PCDH11X: variants seen among roughly 807,000 people sequenced by gnomAD.
PCDH11X encodes the protein protocadherin-11 X-linked.
PCDH11X carries 18 observed loss-of-function variants against 53.3 expected under a neutral mutation model. The observed-to-expected ratio is 0.34, with a 90% CI of 0.23 to 0.50. PCDH11X has a LOEUF of 0.50. Ranked by LOEUF, PCDH11X falls within the 20% of genes least tolerant of loss-of-function variation. PCDH11X has a pLI of 0.98. For synonymous variants in PCDH11X, 279 were observed against 393.3 expected (o/e 0.71, Z 3.44); for missense variants, 570 against 1,032.4 (o/e 0.55, Z 6.14).
At chrX:92,056,296 A>AT (rs1287438519) in intron 6 of PCDH11X, among the ~76,000 whole-genome samples, 7 of 111,455 alleles carry the variant, frequency 6.3e-5, no homozygotes, top group Non-Finnish European at 1.1e-4. Context: ...GATTTTGATC[A>AT]TTTTTTTCAT....
intron 6 of PCDH11X, among the ~76,000 whole-genome samples, chrX:92,178,709 A>G (rs775520980): frequency 3.6e-5 from 4 of 111,966 alleles, no homozygotes; most frequent in African/African-American, 9.7e-5. Context: ...GAAGGAGAAT[A>G]TTCTTTTGTA....
At chrX:92,100,980 G>A (rs1280324476) in intron 6 of PCDH11X, among the ~76,000 whole-genome samples, 1 of 111,417 alleles carries the variant, frequency 9.0e-6, no homozygotes, top group Non-Finnish European at 1.9e-5. Context: ...GGAATAAGAA[G>A]GAGAAAAACA....
At chrX:92,510,670 A>G (rs908698294) in intron 10 of PCDH11X, among the ~76,000 whole-genome samples, 8 of 110,005 alleles carry the variant, frequency 7.3e-5, no homozygotes, top group Non-Finnish European at 1.5e-4. Flanking sequence ...ATTCCTAACA[A>G]TGCCTCCTTG....
At chrX:92,266,728 A>G (rs2067839466) in intron 8 of PCDH11X, among the ~76,000 whole-genome samples, 1 of 107,636 alleles carries the variant, frequency 9.3e-6, no homozygotes, top group Non-Finnish European at 1.9e-5. Flanking sequence ...GAATAGTGTA[A>G]GCAGTACTTA....
chrX:92,201,167 T>G (rs1442328642), intron 6 of PCDH11X: 1 of 145,773 alleles, frequency 6.9e-6, no homozygotes, highest in African/African-American at 3.2e-5. Context: ...TTTTTTTCTC[T>G]TTTTTAATTC....
intron 6 of PCDH11X, among the ~76,000 whole-genome samples, chrX:92,144,960 C>G (rs1373812870): frequency 1.8e-5 from 2 of 111,094 alleles, no homozygotes; most frequent in East Asian, 5.7e-4. Flanking sequence ...GGGGGAGCTG[C>G]CAGTGTGACC....
intron 6 of PCDH11X, among the ~76,000 whole-genome samples, chrX:92,039,570 T>C (rs2148028072): frequency 9.0e-6 from 1 of 111,048 alleles, no homozygotes; most frequent in Admixed American, 9.6e-5. Context: ...TCAGTCAGCT[T>C]GTGGTAAATG....
chrX:92,004,510 G>A (rs772781100), intron 6 of PCDH11X, among the ~76,000 whole-genome samples: 1 of 110,431 alleles, frequency 9.1e-6, no homozygotes, highest in African/African-American at 3.3e-5. Flanking sequence ...TATTGTATTG[G>A]GAACTATCCC....
chrX:92,013,803 A>T lies in PCDH11X; in HGVS notation c.3033+134530A>T, dbSNP rs753541203. Among the ~76,000 whole-genome samples, 197 of 111,916 alleles carry T rather than the reference A, an allele frequency of 1.8e-3. 1 individual carries two copies. The highest frequency in any genetic ancestry group is 6.1e-3 in the African/African-American group (189 of 30,777). ...GGGGAAAGGATTCCCTATTTAATAA[A>T]TGGTGCTGGGAAAACTGGCTAGCCA... is the stretch of plus-strand genomic sequence containing the variant. On this transcript the variant is annotated intron_variant, in intron 6 of 10. Coordinates refer to ENST00000682573, the MANE Select transcript of PCDH11X (RefSeq NM_032968.5).
intron 1 of PCDH11X, among the ~76,000 whole-genome samples, chrX:91,800,018 G>C (rs1223500195): frequency 8.9e-6 from 1 of 112,604 alleles, no homozygotes; most frequent in African/African-American, 3.2e-5. Flanking sequence ...GAACCCGGGA[G>C]GCGGAGGTTG....
chrX:92,603,141 T>G (rs1457406612), intron 10 of PCDH11X, among the ~76,000 whole-genome samples: 1 of 105,305 alleles, frequency 9.5e-6, no homozygotes, highest in African/African-American at 3.5e-5. Flanking sequence ...TAAAATTGAC[T>G]AGAGTGATTC....
At chrX:91,959,546 G>A (rs2147885579) in intron 6 of PCDH11X, among the ~76,000 whole-genome samples, 2 of 106,579 alleles carry the variant, frequency 1.9e-5, no homozygotes, top group South Asian at 8.8e-4. Flanking sequence ...GAATCATGCA[G>A]TATTTTTCTT....
chrX:92,588,943 G>A (rs1924714865), intron 10 of PCDH11X, among the ~76,000 whole-genome samples: 2 of 110,715 alleles, frequency 1.8e-5, no homozygotes, highest in South Asian at 7.6e-4. Flanking sequence ...AAAATACAAC[G>A]GAGCTCAAAT....
chrX:92,397,214 CCTA>C (rs1341718588), intron 9 of PCDH11X, among the ~76,000 whole-genome samples: 1 of 75,170 alleles, frequency 1.3e-5, no homozygotes, highest in Non-Finnish European at 2.5e-5. Context: ...AGATTCTACT[CCTA>C]CTCCTTGGCT....
chrX:92,239,256 T>G (rs1487412644), intron 7 of PCDH11X, among the ~76,000 whole-genome samples: 2 of 111,713 alleles, frequency 1.8e-5, no homozygotes, highest in African/African-American at 3.2e-5. Flanking sequence ...CATTTATCAC[T>G]GATATTTGGC....
At chrX:92,524,351 G>T (rs1381712040) in intron 10 of PCDH11X, among the ~76,000 whole-genome samples, 9 of 108,454 alleles carry the variant, frequency 8.3e-5, no homozygotes, top group East Asian at 2.9e-4. Flanking sequence ...TCTACTCTAC[G>T]TCTTTTATCC....
intron 10 of PCDH11X, among the ~76,000 whole-genome samples, chrX:92,486,220 A>G (rs145892094): frequency 0.027 from 3,048 of 111,464 alleles, 103 homozygotes; most frequent in African/African-American, 0.095. Context: ...ATTTTTTACA[A>G]TCTTATTTAT....
intron 10 of PCDH11X, among the ~76,000 whole-genome samples, chrX:92,559,833 C>T (rs968193955): frequency 9.0e-6 from 1 of 110,631 alleles, no homozygotes. Flanking sequence ...CATCACAAAC[C>T]GAATTGCTCG....
In PCDH11X at chrX:91,966,761, A is replaced by T. The variant is rs371967175; in HGVS notation, c.3033+87488A>T. 3.5e-4 allele frequency among the ~76,000 whole-genome samples: 39 copies of T among 112,054 alleles called. No homozygotes were observed. In the South Asian group the frequency reaches 0.013, roughly 37 times the overall value. On this transcript the variant is annotated intron_variant, in intron 6 of 10. Coordinates refer to ENST00000682573, the MANE Select transcript of PCDH11X (RefSeq NM_032968.5). ...GTATTTTTAAAATAAATTTTATTGC[A>T]TAAAAAAAAGAATAGTTTGTTGGGT...
Sources: allele counts gnomAD v4.1 joint callset (sites outside exome capture counted in the v4.1 genomes callset), GRCh38; gene constraint gnomAD v4.1.1; transcripts MANE v1.5; gene names NCBI Gene and HGNC (gene_info 2026-07-23, HGNC 2026-07-21).